SLIT3: variants seen among roughly 807,000 people sequenced by gnomAD.
SLIT3 encodes the protein slit guidance ligand 3.
A neutral mutation model predicts 184.0 loss-of-function variants in SLIT3; 68 were observed. That is an observed-to-expected ratio of 0.37 (90% CI 0.30 to 0.45). SLIT3 has a LOEUF of 0.45. SLIT3 is among the 20% of genes least tolerant of loss of function. SLIT3 has a pLI of 1.00. For synonymous variants in SLIT3, 831 were observed against 828.6 expected (o/e 1.00, Z -0.05); for missense variants, 1,707 against 2,026.0 (o/e 0.84, Z 3.02).
chr5:168,872,555 C>T (rs777343954), intron 5 of SLIT3, among the ~76,000 whole-genome samples: 60 of 151,158 alleles, frequency 4.0e-4, no homozygotes, highest in Non-Finnish European at 7.7e-4. Flanking sequence ...CCTCAAAATG[C>T]TCTAAAAATA....
Position 169,135,685 on chromosome 5 carries a change from A to C in SLIT3, c.413+57794T>G, listed in dbSNP as rs1047280129. On this transcript the variant is annotated intron_variant, in intron 4 of 35. Transcript: ENST00000519560. ...ATACATATCTCTTTCTGTGGGATGCACACAAAAAACATCAGGAAGTCGCAA... is the reference window on the plus strand; with the variant it reads ...ATACATATCTCTTTCTGTGGGATGCCCACAAAAAACATCAGGAAGTCGCAA... Among the ~76,000 whole-genome samples, 20 of 152,196 alleles carry C rather than the reference A, an allele frequency of 1.3e-4. No homozygotes were observed. The East Asian group carries it at 1.3e-3, about 10-fold the overall frequency.
At chr5:169,268,382 T>G (rs991706743) in intron 1 of SLIT3, among the ~76,000 whole-genome samples, 1 of 152,210 alleles carries the variant, frequency 6.6e-6, no homozygotes, top group Non-Finnish European at 1.5e-5. Flanking sequence ...TGTCATCTGA[T>G]GGCACCACAT....
intron 4 of SLIT3, among the ~76,000 whole-genome samples, chr5:169,039,734 G>A (rs950904612): frequency 2.6e-5 from 4 of 152,134 alleles, no homozygotes; most frequent in African/African-American, 4.8e-5. Context: ...ATGATGTCCC[G>A]TGTAATCAGG....
At chr5:168,907,467 C>A (rs1761088741) in intron 4 of SLIT3, among the ~76,000 whole-genome samples, 1 of 152,190 alleles carries the variant, frequency 6.6e-6, no homozygotes, top group East Asian at 1.9e-4. Flanking sequence ...AAGAAAAGGC[C>A]AGGAAGGTAG....
At position 168,986,386 on chromosome 5, in the gene SLIT3, C is replaced by T. The variant is rs116505386; in HGVS notation, c.414-103050G>A. On this transcript the variant is annotated intron_variant, in intron 4 of 35. Coordinates refer to ENST00000519560, the MANE Select transcript of SLIT3 (RefSeq NM_003062.4). Reference sequence around the variant, plus strand: ...GAAAGGAAATATTTGGACGGTGGCGCCCTTCTTACATGGCCTCCATAGCCC... The same window carrying T: ...GAAAGGAAATATTTGGACGGTGGCGTCCTTCTTACATGGCCTCCATAGCCC... Among the ~76,000 whole-genome samples, 550 of 151,794 alleles carry T rather than the reference C, an allele frequency of 3.6e-3. 5 individuals are homozygous for T. The highest frequency in any genetic ancestry group is 0.013 in the African/African-American group (526 of 41,444).
chr5:169,276,345 G>A (rs768127292), intron 1 of SLIT3, among the ~76,000 whole-genome samples: 10 of 152,108 alleles, frequency 6.6e-5, no homozygotes, highest in Non-Finnish European at 1.2e-4. Flanking sequence ...GAACTGTGTC[G>A]TCAATAAGCG....
At chr5:168,979,604 C>T (rs1754882554) in intron 4 of SLIT3, among the ~76,000 whole-genome samples, 1 of 152,136 alleles carries the variant, frequency 6.6e-6, no homozygotes. Context: ...CAGACAAGGG[C>T]AGTGTTTGAA....
At chr5:169,284,062 T>A (rs1220692288) in intron 1 of SLIT3, among the ~76,000 whole-genome samples, 1 of 151,854 alleles carries the variant, frequency 6.6e-6, no homozygotes, top group Non-Finnish European at 1.5e-5. Context: ...TTTCAGCCAA[T>A]AAAACAATGC....
intron 4 of SLIT3, among the ~76,000 whole-genome samples, chr5:169,042,657 A>G (rs1757485522): frequency 6.6e-6 from 1 of 152,366 alleles, no homozygotes; most frequent in Middle Eastern, 3.4e-3. Flanking sequence ...TTTGACTCAG[A>G]GACCTTGGAG....
At chr5:168,891,900 A>C (rs1380797306) in intron 4 of SLIT3, among the ~76,000 whole-genome samples, 1 of 152,200 alleles carries the variant, frequency 6.6e-6, no homozygotes, top group African/African-American at 2.4e-5. Context: ...GGACAACAGG[A>C]ATAGTCAGAA....
At chr5:168,683,824 T>G in intron 32 of SLIT3, 142 bp downstream of exon 32, 1 of 688,064 alleles carries the variant, frequency 1.5e-6, no homozygotes, top group Non-Finnish European at 2.1e-6. Flanking sequence ...GAGGAGGAAG[T>G]GTGTGTGTGC....
chr5:169,149,077 A>G lies in SLIT3; in HGVS notation c.413+44402T>C, dbSNP rs12109909. ...GAGCTATTAAGTGGAGGAAACTGAG[A>G]TTTGAAAGCCAGATCTCCTTAACTC... On this transcript the variant is annotated intron_variant, in intron 4 of 35. Coordinates refer to ENST00000519560, the MANE Select transcript of SLIT3 (RefSeq NM_003062.4). Among the ~76,000 whole-genome samples, 1,473 of 152,316 alleles carry G rather than the reference A, an allele frequency of 9.7e-3. 23 individuals carry two copies. The highest frequency in any genetic ancestry group is 0.034 in the African/African-American group (1,406 of 41,568).
chr5:168,795,718 C>T (rs1273268867), intron 9 of SLIT3, 140 bp from the exon 10 acceptor site: 6 of 685,124 alleles, frequency 8.8e-6, no homozygotes, highest in East Asian at 2.6e-5. Context: ...GCAGACCAGA[C>T]AAAACACTGC....
intron 4 of SLIT3, among the ~76,000 whole-genome samples, chr5:169,122,931 G>A (rs565232046): frequency 6.6e-6 from 1 of 152,148 alleles, no homozygotes; most frequent in African/African-American, 2.4e-5. Context: ...CTAAAATCTA[G>A]GCCTGAGTAA....
intron 4 of SLIT3, among the ~76,000 whole-genome samples, chr5:169,102,065 T>A (rs1050145191): frequency 6.6e-6 from 1 of 152,228 alleles, no homozygotes; most frequent in Non-Finnish European, 1.5e-5. Flanking sequence ...ACCTTGACCC[T>A]GACACCTAAC....
At chr5:169,228,603 T>C (rs115740459) in intron 3 of SLIT3, among the ~76,000 whole-genome samples, 7,635 of 152,226 alleles carry the variant, frequency 0.05, 245 homozygotes, top group Middle Eastern at 0.11. Context: ...ATATACTTCA[T>C]GTATGCTTGT....
chr5:169,180,295 G>A (rs936949325), intron 4 of SLIT3, among the ~76,000 whole-genome samples: 22 of 152,224 alleles, frequency 1.4e-4, no homozygotes, highest in African/African-American at 5.3e-4. Flanking sequence ...TGGATGTGGG[G>A]AGAGTGGCAT....
chr5:168,794,555 A>G (rs4867934), intron 10 of SLIT3, among the ~76,000 whole-genome samples: 61,556 of 152,052 alleles, frequency 0.4, 14,390 homozygotes, highest in African/African-American at 0.65. Context: ...CAGGGTTGGT[A>G]TCACCCGGCA....
At chr5:168,912,323 T>C (rs1206551767) in intron 4 of SLIT3, among the ~76,000 whole-genome samples, 1 of 152,222 alleles carries the variant, frequency 6.6e-6, no homozygotes, top group East Asian at 1.9e-4. Flanking sequence ...GATGCCTTAA[T>C]AGTTAAGTTT....
Sources: allele counts gnomAD v4.1 joint callset (sites outside exome capture counted in the v4.1 genomes callset), GRCh38; gene constraint gnomAD v4.1.1; transcripts MANE v1.5; gene names NCBI Gene and HGNC (gene_info 2026-07-23, HGNC 2026-07-21).